TPST1: variants seen among roughly 807,000 people sequenced by gnomAD.
The protein encoded by TPST1 is protein-tyrosine sulfotransferase 1.
TPST1 carries 20 observed loss-of-function variants against 34.8 expected under a neutral mutation model. That is an observed-to-expected ratio of 0.57 (90% CI 0.40 to 0.84). TPST1 has a LOEUF of 0.84. Among genes scored for constraint, TPST1 ranks in the 40% least tolerant of loss-of-function variants. The pLI is 0.00. For synonymous variants in TPST1, 152 were observed against 159.4 expected, an observed-to-expected ratio of 0.95 and a Z score of 0.35; for missense variants, 353 against 455.5, an observed-to-expected ratio of 0.78 and a Z score of 2.05.
intron 3 of TPST1, among the ~76,000 whole-genome samples, chr7:66,302,790 GGTGTTTTCTTGTTTT>G (rs1307332691): frequency 6.6e-6 from 1 of 152,106 alleles, no homozygotes; most frequent in Non-Finnish European, 1.5e-5. Context: ...TAGTTTATCT[GGTGTTTTCTTGTTTT>G]GATGAGAGCA....
chr7:66,335,189 C>T (rs558791959), intron 3 of TPST1, among the ~76,000 whole-genome samples: 4 of 152,122 alleles, frequency 2.6e-5, no homozygotes, highest in Admixed American at 6.5e-5. Flanking sequence ...CTGGGCATGG[C>T]AGCTCATTTC....
At position 66,208,615 on chromosome 7, in the gene TPST1, C is replaced by T. The variant is rs111522924; in HGVS notation, c.-102+3093C>T. Among the ~76,000 whole-genome samples, 22 of 151,846 alleles carry T rather than the reference C, an allele frequency of 1.4e-4. 3 individuals are homozygous for T. The highest frequency in any genetic ancestry group is 5.3e-4 in the African/African-American group (22 of 41,414). On this transcript the variant is annotated intron_variant, in intron 1 of 5. Coordinates refer to ENST00000304842, the MANE Select transcript of TPST1 (RefSeq NM_003596.4). ...TTCCGAGTAGCTGGGATTACAGGCG[C>T]CTGCCACCACACCCAGCTAATTTTT...
rs139654558 is a variant in TPST1 at position 66,266,403 on chromosome 7, T to C, written c.846-20108T>C. ...TAAATGAATGGACATTACAGAGTAA[T>C]GGCAAGGATAATGTTGGTAGGAGTT... On this transcript the variant is annotated intron_variant, in intron 2 of 5. Transcript: ENST00000304842. Among the ~76,000 whole-genome samples the C allele has an allele frequency of 6.0e-3, 907 of 152,288 alleles. 10 individuals carry two copies. The highest frequency in any genetic ancestry group is 0.02 in the African/African-American group (847 of 41,552).
intron 2 of TPST1, among the ~76,000 whole-genome samples, chr7:66,258,026 T>C (rs1790413522): frequency 2.0e-5 from 3 of 152,238 alleles, no homozygotes; most frequent in Admixed American, 2.0e-4. Flanking sequence ...TAATGATTTA[T>C]CATCTGAGCT....
intron 3 of TPST1, among the ~76,000 whole-genome samples, chr7:66,339,801 A>C (rs1792196506): frequency 1.3e-5 from 2 of 149,258 alleles, no homozygotes; most frequent in Admixed American, 1.4e-4. Flanking sequence ...CAGTTTACCC[A>C]CATAACAAAC....
chr7:66,240,908 T>C lies in TPST1; in HGVS notation c.483T>C (p.Pro161=). 1 of 1,614,210 alleles carries C rather than the reference T, an allele frequency of 6.2e-7. No homozygotes were observed. Among genetic ancestry groups the C allele is most frequent in the Non-Finnish European group, 8.5e-7 (1 of 1,180,046 alleles). ...CCCCTTATTTATGTAATAAAGATCC[T>C]TTTGCCCTGAAATCTTTAACTTACC... The part of the protein sequence containing the change: ...EPAPYLCNKD[P]FALKSLTYLS... The change falls in exon 2 of 6, where the codon CCT becomes CCC. Residue 161 remains proline, a synonymous_variant. Transcript: ENST00000304842.
intron 2 of TPST1, among the ~76,000 whole-genome samples, chr7:66,251,793 CT>C (rs894012854): frequency 3.6e-4 from 51 of 141,874 alleles, no homozygotes; most frequent in African/African-American, 3.1e-4. Flanking sequence ...CGGTCAGGTT[CT>C]TTTTTTTTTT....
chr7:66,250,507 T>C (rs1324163338), intron 2 of TPST1, among the ~76,000 whole-genome samples: 1 of 152,120 alleles, frequency 6.6e-6, no homozygotes, highest in Non-Finnish European at 1.5e-5. Context: ...GTGAGTTATT[T>C]GGTTTTGTCT....
intron 3 of TPST1, among the ~76,000 whole-genome samples, chr7:66,298,835 G>T (rs908285045): frequency 1.3e-5 from 2 of 152,038 alleles, no homozygotes; most frequent in Non-Finnish European, 2.9e-5. Context: ...TAAAAATCCA[G>T]ATAGTAGGCC....
intron 3 of TPST1, among the ~76,000 whole-genome samples, chr7:66,344,721 ATTTTTTT>A (rs757855278): frequency 7.8e-6 from 1 of 128,776 alleles, no homozygotes; most frequent in African/African-American, 2.9e-5. Context: ...AACATTTCTA[ATTTTTTT>A]TTTTTTTTTT....
At position 66,250,716 on chromosome 7, in the gene TPST1, C is replaced by T. The variant is rs146396688; in HGVS notation, c.845+9446C>T. 1.9e-3 allele frequency among the ~76,000 whole-genome samples: 290 copies of T among 152,244 alleles called. 1 individual carries two copies. Among genetic ancestry groups the T allele is most frequent in the South Asian group, 8.3e-3 (40 of 4,830 alleles). ...CTGTGGTTAATTTATAAATCAAGCA[C>T]AGTAAGATTAACAGCAGTAACTAAT... is the stretch of plus-strand genomic sequence containing the variant. On this transcript the variant is annotated intron_variant, in intron 2 of 5. Transcript: ENST00000304842.
chr7:66,346,186 T>A (rs199525223), intron 3 of TPST1, among the ~76,000 whole-genome samples: 1 of 2,754 alleles, frequency 3.6e-4, no homozygotes, highest in Non-Finnish European at 7.9e-4. Context: ...GAATAGTACA[T>A]ATATATATAT....
intron 1 of TPST1, among the ~76,000 whole-genome samples, chr7:66,214,693 T>TGTA (rs1789351507): frequency 6.6e-6 from 1 of 150,746 alleles, no homozygotes; most frequent in African/African-American, 2.4e-5. Flanking sequence ...GGCACACACC[T>TGTA]GTAGTACCAG....
rs55829208 is a variant in TPST1 at position 66,243,941 on chromosome 7, ATTTTTTTT to A, written c.845+2685_845+2692del. ...TATTTAAACATTTTTATTCTGGGAA[ATTTTTTTT>A]TTTTTTTTTTTTTCTTCGAGACGGA... is the stretch of plus-strand genomic sequence containing the variant. On this transcript the variant is annotated intron_variant, in intron 2 of 5. Coordinates refer to ENST00000304842, the MANE Select transcript of TPST1 (RefSeq NM_003596.4). Among the ~76,000 whole-genome samples the A allele has an allele frequency of 8.2e-3, 956 of 116,220 alleles. 2 individuals carry two copies. Among genetic ancestry groups the A allele is most frequent in the Middle Eastern group, 0.021 (5 of 240 alleles). The allele number at this position is 116,220 out of a possible 152,430, so 76.2% of individuals were successfully genotyped here. A position where few individuals can be genotyped will look rare whatever the true frequency, so the allele number is the denominator to read the frequency against.
At position 66,360,006 on chromosome 7, in the gene TPST1, C is replaced by T; in HGVS notation, c.*141C>T. On this transcript the variant is annotated 3_prime_UTR_variant, in exon 6 of 6. Transcript: ENST00000304842. ...GCGCCGCCTGTGCATTTGCCAGTTT[C>T]CTCCCACTGAGAGGATGGAGGTGTC... The T allele has an allele frequency of 2.2e-6, 1 of 456,210 alleles. No individual in the cohort carries two copies. Among genetic ancestry groups the T allele is most frequent in the Non-Finnish European group, 4.4e-6 (1 of 226,624 alleles). 28.3% of individuals were successfully genotyped at this position (456,210 alleles called of 1,614,324 possible). A position where few individuals can be genotyped will look rare whatever the true frequency, so the allele number is the denominator to read the frequency against.
chr7:66,328,859 G>GCTCTCTCTCTCTCTCTCT (rs755431410), intron 3 of TPST1, among the ~76,000 whole-genome samples: 5 of 18,414 alleles, frequency 2.7e-4, no homozygotes, highest in African/African-American at 4.9e-4. Context: ...TCTCTCTCCC[G>GCTCTCTCTCTCTCTCTCT]CTCTCTCTCT....
At chr7:66,238,209 A>G (rs1201807677) in intron 1 of TPST1, among the ~76,000 whole-genome samples, 1 of 152,050 alleles carries the variant, frequency 6.6e-6, no homozygotes. Flanking sequence ...AGATTTGGAG[A>G]GTTCCTTCAG....
chr7:66,343,082 A>G, intron 3 of TPST1, among the ~76,000 whole-genome samples: 1 of 152,156 alleles, frequency 6.6e-6, no homozygotes, highest in South Asian at 2.1e-4. Flanking sequence ...TTATGTGATT[A>G]TAAGACACTC....
intron 3 of TPST1, among the ~76,000 whole-genome samples, chr7:66,289,219 G>A (rs1791086181): frequency 1.7e-5 from 1 of 58,784 alleles, no homozygotes; most frequent in South Asian, 4.6e-4. Flanking sequence ...CCTGATCATG[G>A]TGGATAAGCT....
Sources: gnomAD v4.1 joint callset for allele counts (sites outside exome capture counted in the v4.1 genomes callset) on GRCh38, gnomAD v4.1.1 for gene constraint, MANE v1.5 for transcripts, NCBI Gene and HGNC (gene_info 2026-07-23, HGNC 2026-07-21) for gene names.